Variants in ERBB4 observed in about 807,000 individuals in gnomAD.
ERBB4 encodes the protein receptor tyrosine-protein kinase erbB-4.
ERBB4 carries 42 observed loss-of-function variants against 158.0 expected under a neutral mutation model. The observed-to-expected ratio is 0.27, with a 90% CI of 0.21 to 0.34. The LOEUF (loss-of-function observed/expected upper bound fraction) is 0.34, where lower values mean the gene tolerates loss of function less well. ERBB4 is among the 10% of genes least tolerant of loss of function. The pLI is 1.00. For synonymous variants in ERBB4, 583 were observed against 558.7 expected (o/e 1.04, Z -0.61); for missense variants, 1,333 against 1,624.1 (o/e 0.82, Z 3.08).
At chr2:212,460,548 C>A in intron 1 of ERBB4, among the ~76,000 whole-genome samples, 1 of 152,174 alleles carries the variant, frequency 6.6e-6, no homozygotes, top group East Asian at 1.9e-4. Context: ...AGCAAAGAGG[C>A]TGGCATCATT....
chr2:212,134,092 T>A (rs1174279582), intron 1 of ERBB4, among the ~76,000 whole-genome samples: 2 of 152,204 alleles, frequency 1.3e-5, no homozygotes, highest in Non-Finnish European at 2.9e-5. Flanking sequence ...TCAGCATACA[T>A]TTCATCATGT....
In ERBB4 at chr2:211,383,878, GGTACTCAGCTTTTCCCAAGGT is replaced by G. The variant is rs2062626755; in HGVS notation, c.3643_3663del (p.Thr1215_Tyr1221del). 5 of 1,614,032 alleles carry G rather than the reference GGTACTCAGCTTTTCCCAAGGT, an allele frequency of 3.1e-6. No homozygotes were observed. Among genetic ancestry groups the G allele is most frequent in the Non-Finnish European group, 4.2e-6 (5 of 1,180,004 alleles). On this transcript the variant is annotated inframe_deletion, in exon 28 of 28. Transcript: ENST00000342788. ...GGCATTGACAGTATGTTGTTCTTCA[GGTACTCAGCTTTTCCCAAGGT>G]GTTGGCAAAGGTGTTGAGGTACAGT...
At chr2:212,383,795 T>A (rs1574819665) in intron 1 of ERBB4, among the ~76,000 whole-genome samples, 2 of 151,844 alleles carry the variant, frequency 1.3e-5, no homozygotes, top group Non-Finnish European at 3.0e-5. Flanking sequence ...TTATCTGTGT[T>A]ATCGAAGACA....
rs114800516 is a variant in ERBB4, at chr2:212,331,375, G to A, written c.83-206472C>T. 8.9e-3 allele frequency among the ~76,000 whole-genome samples: 1,346 copies of A among 151,404 alleles called. 22 individuals are homozygous for A. The highest frequency in any genetic ancestry group is 0.03 in the African/African-American group (1,259 of 41,366). ...CAATGCTGACATTGAGGGGAATCTCGCAATGTTCTGTGTTGGGGGAATCTC... is the reference window on the plus strand; with the variant it reads ...CAATGCTGACATTGAGGGGAATCTCACAATGTTCTGTGTTGGGGGAATCTC... On this transcript the variant is annotated intron_variant, in intron 1 of 27. Coordinates refer to ENST00000342788, the MANE Select transcript of ERBB4 (RefSeq NM_005235.3).
At chr2:212,150,808 C>T (rs1249949358) in intron 1 of ERBB4, among the ~76,000 whole-genome samples, 1 of 152,164 alleles carries the variant, frequency 6.6e-6, no homozygotes, top group Non-Finnish European at 1.5e-5. Flanking sequence ...TTATGCATAT[C>T]ATTAAATTCA....
intron 1 of ERBB4, among the ~76,000 whole-genome samples, chr2:212,513,522 A>G (rs557743175): frequency 1.2e-3 from 179 of 152,284 alleles, no homozygotes; most frequent in African/African-American, 4.2e-3. Context: ...AAGTTAATTA[A>G]GTTTTCAAGG....
chr2:212,022,674 C>A lies in ERBB4; in HGVS notation c.235-75058G>T, dbSNP rs759757063. On this transcript the variant is annotated intron_variant, in intron 2 of 27. Transcript: ENST00000342788. ...CAAACCTGCACATCCTGCACGTGTA[C>A]CCCAGAACTTAAAAAATAAAAAACA... 5.9e-5 allele frequency among the ~76,000 whole-genome samples: 9 copies of A among 151,928 alleles called. No individual in the cohort carries two copies. In the East Asian group the frequency reaches 1.7e-3, roughly 29 times the overall value.
At chr2:211,515,912 A>ATATATATATATATT (rs35696520) in intron 20 of ERBB4, among the ~76,000 whole-genome samples, 7 of 78,984 alleles carry the variant, frequency 8.9e-5, no homozygotes, top group African/African-American at 3.4e-4. Flanking sequence ...ATATATATAT[A>ATATATATATATATT]TTTTTTTTTT....
At chr2:212,121,952 G>C (rs886558344) in intron 2 of ERBB4, among the ~76,000 whole-genome samples, 2 of 151,722 alleles carry the variant, frequency 1.3e-5, no homozygotes, top group Non-Finnish European at 2.9e-5. Context: ...AGATAACCTA[G>C]CATGCACTCC....
intron 20 of ERBB4, chr2:211,535,572 A>AG (rs1249255820): frequency 7.4e-6 from 1 of 136,024 alleles, no homozygotes; most frequent in Non-Finnish European, 1.6e-5. Flanking sequence ...AGAAAAAAAA[A>AG]GAGAGAGAGA....
intron 3 of ERBB4, among the ~76,000 whole-genome samples, chr2:211,940,016 T>G (rs570878557): frequency 6.7e-6 from 1 of 148,602 alleles, no homozygotes; most frequent in African/African-American, 2.4e-5. Context: ...TAGAGATAGA[T>G]ATAGATTTGG....
At chr2:211,824,676 A>G (rs1488495427) in intron 3 of ERBB4, among the ~76,000 whole-genome samples, 1 of 141,572 alleles carries the variant, frequency 7.1e-6, no homozygotes. Context: ...TAGAAAAGAA[A>G]TGAACTTGAC....
intron 19 of ERBB4, among the ~76,000 whole-genome samples, chr2:211,587,398 A>T (rs775301578): frequency 6.6e-6 from 1 of 152,136 alleles, no homozygotes; most frequent in Non-Finnish European, 1.5e-5. Context: ...GCATACCTCT[A>T]TTCCAATATG....
At chr2:212,170,405 T>C (rs1007262687) in intron 1 of ERBB4, among the ~76,000 whole-genome samples, 1 of 152,148 alleles carries the variant, frequency 6.6e-6, no homozygotes, top group African/African-American at 2.4e-5. Context: ...AGCCTGATGA[T>C]GCAATAGAAA....
At chr2:212,514,430 G>T (rs887324682) in intron 1 of ERBB4, among the ~76,000 whole-genome samples, 2 of 152,076 alleles carry the variant, frequency 1.3e-5, no homozygotes, top group Admixed American at 1.3e-4. Flanking sequence ...TAATTTTTCA[G>T]CATTATTCAA....
At chr2:212,100,360 T>C (rs1057286405) in intron 2 of ERBB4, among the ~76,000 whole-genome samples, 1 of 152,208 alleles carries the variant, frequency 6.6e-6, no homozygotes, top group Non-Finnish European at 1.5e-5. Context: ...TCTGCTCTAA[T>C]ATTTGAAGCC....
At chr2:211,637,108 C>T (rs1227235821) in intron 16 of ERBB4, among the ~76,000 whole-genome samples, 3 of 151,864 alleles carry the variant, frequency 2.0e-5, no homozygotes, top group African/African-American at 7.2e-5. Flanking sequence ...GTAACATTGG[C>T]CATCATCCTA....
intron 1 of ERBB4, among the ~76,000 whole-genome samples, chr2:212,183,761 A>G (rs982127062): frequency 6.6e-6 from 1 of 152,110 alleles, no homozygotes; most frequent in Non-Finnish European, 1.5e-5. Flanking sequence ...TTGTTTCAAC[A>G]GGAAAATCTG....
chr2:211,546,618 T>G (rs1162676630), intron 20 of ERBB4, among the ~76,000 whole-genome samples: 1 of 152,130 alleles, frequency 6.6e-6, no homozygotes, highest in Non-Finnish European at 1.5e-5. Context: ...AGTAGGAATT[T>G]AGATGTTCCC....
Sources: gnomAD v4.1 joint callset for allele counts (sites outside exome capture counted in the v4.1 genomes callset) on GRCh38, gnomAD v4.1.1 for gene constraint, MANE v1.5 for transcripts, NCBI Gene and HGNC (gene_info 2026-07-23, HGNC 2026-07-21) for gene names.